The following SSPN variants were observed in gnomAD, a reference collection of about 807,000 sequenced individuals.
SSPN encodes the protein sarcospan, also known as K-ras oncogene-associated protein.
SSPN carries 15 observed loss-of-function variants against 19.1 expected under a neutral mutation model. The ratio of observed to expected loss-of-function variants is 0.78; its 90% confidence interval spans 0.52 to 1.21. The LOEUF (loss-of-function observed/expected upper bound fraction) is 1.21, where lower values mean the gene tolerates loss of function less well. SSPN is among the 50% of genes most tolerant of loss of function. SSPN has a pLI of 0.00. For synonymous variants in SSPN, 147 were observed against 140.3 expected, an observed-to-expected ratio of 1.05 and a Z score of -0.34; for missense variants, 291 against 314.0, an observed-to-expected ratio of 0.93 and a Z score of 0.55.
At chr12:26,219,649 A>G (rs1945097604) in intron 1 of SSPN, among the ~76,000 whole-genome samples, 1 of 150,776 alleles carries the variant, frequency 6.6e-6, no homozygotes, top group African/African-American at 2.4e-5. Flanking sequence ...AGAAACACAC[A>G]TCCAAAAATA....
At position 26,195,641 on chromosome 12, in the gene SSPN, G is replaced by GCTGGCCC; in HGVS notation, c.-31_-30insTGGCCCC. On this transcript the variant is annotated 5_prime_UTR_variant, in exon 1 of 3. Coordinates refer to ENST00000242729, the MANE Select transcript of SSPN (RefSeq NM_005086.5). ...CTCCAGGGCCCAGGGCGCCGCACAC[G>GCTGGCCC]CACCCACCCACCCACCCAGCCTCGC... 8.1e-6 allele frequency: 9 copies of GCTGGCCC among 1,105,386 alleles called. No individual in the cohort carries two copies. The highest frequency in any genetic ancestry group is 3.5e-5 in the East Asian group (1 of 28,496). 68.5% of individuals were successfully genotyped at this position (1,105,386 alleles called of 1,614,324 possible). A position where few individuals can be genotyped will look rare whatever the true frequency, so the allele number is the denominator to read the frequency against.
At chr12:26,163,541 T>A (rs1944602563) in intron 1 of SSPN, among the ~76,000 whole-genome samples, 2 of 152,186 alleles carry the variant, frequency 1.3e-5, no homozygotes, top group South Asian at 4.1e-4. Flanking sequence ...TCTTGCTGTG[T>A]CGTCACATGG....
intron 1 of SSPN, among the ~76,000 whole-genome samples, chr12:26,215,763 C>G (rs959694998): frequency 7.9e-5 from 12 of 152,170 alleles, no homozygotes; most frequent in African/African-American, 2.4e-4. Flanking sequence ...AGATGTTCCT[C>G]AAACCACCAG....
At chr12:26,193,449 G>A (rs530323144), upstream of SSPN, among the ~76,000 whole-genome samples, 5 of 152,300 alleles carry the variant, frequency 3.3e-5, no homozygotes, top group East Asian at 5.8e-4. Context: ...CACCTGTCAT[G>A]TGTTTGTTAC....
In SSPN at chr12:26,138,503, G is replaced by A. The variant is rs549417266; in HGVS notation, c.-31+16351G>A. Among the ~76,000 whole-genome samples the A allele has an allele frequency of 3.3e-5, 5 of 152,256 alleles. No homozygotes were observed. In the East Asian group the frequency reaches 9.6e-4, roughly 29 times the overall value. ...AGTGAAAGAAATATTCTATAATCTG[G>A]CCTGTCCAATGTGGTAGTGCTAGCC... On this transcript the variant is annotated intron_variant, in intron 1 of 2. Transcript: ENST00000538142.
At chr12:26,220,247 C>A (rs1283001203) in intron 1 of SSPN, among the ~76,000 whole-genome samples, 310 of 114,256 alleles carry the variant, frequency 2.7e-3, no homozygotes, top group African/African-American at 5.6e-3. Flanking sequence ...AAGCTGTAGG[C>A]AAAAAAAAAA....
intron 1 of SSPN, among the ~76,000 whole-genome samples, chr12:26,131,909 C>T (rs775433038): frequency 2.0e-5 from 3 of 152,146 alleles, no homozygotes; most frequent in South Asian, 2.1e-4. Flanking sequence ...CCTAGGTGTG[C>T]TCCAGGGTGT....
chr12:26,152,905 C>T (rs1442396097), intron 1 of SSPN, among the ~76,000 whole-genome samples: 2 of 152,210 alleles, frequency 1.3e-5, no homozygotes, highest in Non-Finnish European at 2.9e-5. Flanking sequence ...CTTAGCACTT[C>T]ATTCCAGCCA....
intron 2 of SSPN, among the ~76,000 whole-genome samples, chr12:26,226,651 A>C (rs1389907141): frequency 6.6e-6 from 1 of 152,010 alleles, no homozygotes. Context: ...CATCGGCTGC[A>C]GGTCGCGCTT....
chr12:26,135,460 A>C (rs141134887), intron 1 of SSPN, among the ~76,000 whole-genome samples: 238 of 152,250 alleles, frequency 1.6e-3, no homozygotes, highest in Non-Finnish European at 2.7e-3. Context: ...CAGTACAGAC[A>C]AAAGAGAGCT....
intron 1 of SSPN, among the ~76,000 whole-genome samples, chr12:26,165,233 C>T (rs116349749): frequency 0.011 from 1,734 of 152,214 alleles, 29 homozygotes; most frequent in African/African-American, 0.04. Context: ...ATGCAAGGCT[C>T]GGGTCTCAAA....
intron 1 of SSPN, among the ~76,000 whole-genome samples, chr12:26,182,770 T>C (rs1944728080): frequency 6.6e-6 from 1 of 150,500 alleles, no homozygotes; most frequent in South Asian, 2.1e-4. Flanking sequence ...TACATACTTT[T>C]TTTTTTTTTT....
intron 1 of SSPN, among the ~76,000 whole-genome samples, chr12:26,146,214 C>T (rs1565671623): frequency 6.6e-6 from 1 of 152,176 alleles, no homozygotes; most frequent in South Asian, 2.1e-4. Flanking sequence ...CAAGTCTCCT[C>T]CAGAGTGTGC....
At chr12:26,144,833 A>G (rs1944480538) in intron 1 of SSPN, among the ~76,000 whole-genome samples, 1 of 152,216 alleles carries the variant, frequency 6.6e-6, no homozygotes, top group African/African-American at 2.4e-5. Flanking sequence ...TTCTGTTTCT[A>G]GGGTCTCTGA....
chr12:26,122,335 C>T, intron 1 of SSPN: 2 of 1,160,624 alleles, frequency 1.7e-6, no homozygotes, highest in South Asian at 4.2e-5. Flanking sequence ...GCCGCCGGGG[C>T]GGGGATGCCG....
At chr12:26,155,554 T>A (rs74947006) in intron 1 of SSPN, among the ~76,000 whole-genome samples, 7 of 152,180 alleles carry the variant, frequency 4.6e-5, no homozygotes, top group Non-Finnish European at 1.5e-5. Context: ...AGTAATAGAC[T>A]GATGACCACT....
At chr12:26,219,040 C>G (rs1945090372) in intron 1 of SSPN, among the ~76,000 whole-genome samples, 1 of 152,072 alleles carries the variant, frequency 6.6e-6, no homozygotes, top group African/African-American at 2.4e-5. Context: ...AGTTGATTAA[C>G]TTACAGAAAT....
chr12:26,184,015 G>A (rs574999614), intron 1 of SSPN, among the ~76,000 whole-genome samples: 7 of 152,320 alleles, frequency 4.6e-5, no homozygotes, highest in African/African-American at 1.7e-4. Context: ...GTTCTGCGTG[G>A]ACACCTGAGG....
chr12:26,220,211 A>G (rs963493518), intron 1 of SSPN, among the ~76,000 whole-genome samples: 1 of 148,932 alleles, frequency 6.7e-6, no homozygotes, highest in African/African-American at 2.5e-5. Context: ...AAACTCTTTG[A>G]TAAAGAAGTC....
Sources: gnomAD v4.1 joint callset for allele counts (sites outside exome capture counted in the v4.1 genomes callset) on GRCh38, gnomAD v4.1.1 for gene constraint, MANE v1.5 for transcripts, NCBI Gene and HGNC (gene_info 2026-07-23, HGNC 2026-07-21) for gene names.